Variants in FOXP2 observed in about 807,000 individuals in gnomAD.
FOXP2 encodes forkhead box protein P2.
FOXP2 carries 12 observed loss-of-function variants against 115.8 expected under a neutral mutation model. The observed-to-expected ratio is 0.10, with a 90% CI of 0.07 to 0.17. The LOEUF (loss-of-function observed/expected upper bound fraction) is 0.17. Among genes scored for constraint, FOXP2 ranks in the 10% least tolerant of loss-of-function variants. The pLI is 1.00. For missense variants in FOXP2, 629 were observed against 843.5 expected (o/e 0.75, Z 3.15); for synonymous variants, 328 against 297.7 (o/e 1.10, Z -1.05).
In FOXP2 at chr7:114,658,161, C is replaced by T. The variant is rs1038320114; in HGVS notation, c.1362C>T (p.Val454=). 2.5e-6 allele frequency: 4 copies of T among 1,613,922 alleles called. No individual in the cohort carries two copies. The highest frequency in any genetic ancestry group is 3.4e-6 in the Non-Finnish European group (4 of 1,179,910). Residue 454 remains valine (V), a synonymous_variant, in exon 11 of 17, where the codon GTC becomes GTT. Coordinates refer to ENST00000350908, the MANE Select transcript of FOXP2 (RefSeq NM_014491.4). ...PQTPTTPTAP[V]TPITQGPSVI... ...CCCCTACCACACCAACGGCCCCAGT[C>T]ACCCCGATTACCCAGGGACCCTCAG...
chr7:114,653,012 A>G (rs962202244), intron 9 of FOXP2, among the ~76,000 whole-genome samples: 2 of 152,160 alleles, frequency 1.3e-5, no homozygotes, highest in Non-Finnish European at 1.5e-5. Flanking sequence ...TTTCTCTAAC[A>G]TTTCATCTTA....
chr7:114,160,044 G>A (rs956940745), upstream of FOXP2, among the ~76,000 whole-genome samples: 1 of 152,146 alleles, frequency 6.6e-6, no homozygotes, highest in South Asian at 2.1e-4. Context: ...TCCTGGTACG[G>A]GGCAGGACTT....
chr7:114,505,661 TG>T (rs550991558), intron 2 of FOXP2, among the ~76,000 whole-genome samples: 1 of 151,334 alleles, frequency 6.6e-6, no homozygotes, highest in Non-Finnish European at 1.5e-5. Flanking sequence ...CAACTTCTTT[TG>T]GGGGGGTCTT....
chr7:114,273,592 A>G (rs570012394), intron 1 of FOXP2, among the ~76,000 whole-genome samples: 7 of 152,038 alleles, frequency 4.6e-5, no homozygotes, highest in Admixed American at 3.3e-4. Flanking sequence ...TTTCTTGCCA[A>G]TTTATCAATT....
chr7:114,633,795 G>A (rs1288319699), intron 6 of FOXP2, among the ~76,000 whole-genome samples: 1 of 152,142 alleles, frequency 6.6e-6, no homozygotes, highest in Non-Finnish European at 1.5e-5. Context: ...AGAAATATTT[G>A]TTGTACAGTG....
intron 1 of FOXP2, among the ~76,000 whole-genome samples, chr7:114,126,332 ATG>A (rs1364317061): frequency 2.0e-5 from 3 of 152,048 alleles, no homozygotes; most frequent in African/African-American, 7.2e-5. Context: ...ATGCATATGT[ATG>A]TGTCAGTATG....
upstream of FOXP2, among the ~76,000 whole-genome samples, chr7:114,413,945 G>C (rs1346589483): frequency 6.6e-6 from 1 of 152,106 alleles, no homozygotes. Flanking sequence ...ATGGTGTTCA[G>C]CTGAGACCTG....
chr7:114,654,480 A>G (rs1424040260), intron 10 of FOXP2, among the ~76,000 whole-genome samples: 1 of 152,098 alleles, frequency 6.6e-6, no homozygotes, highest in African/African-American at 2.4e-5. Context: ...ATTTTGTCCT[A>G]TTTCTTTGGT....
rs191740112 is a variant in FOXP2 at position 114,457,593 on chromosome 7, A to G, written c.168+30914A>G. On this transcript the variant is annotated intron_variant, in intron 2 of 16. Transcript: ENST00000350908. ...GTTTTGTATAGCATTAGATCAAATTATCATATTAAAAATATATTCTCATGG... is the reference window on the plus strand; with the variant it reads ...GTTTTGTATAGCATTAGATCAAATTGTCATATTAAAAATATATTCTCATGG... Among the ~76,000 whole-genome samples the G allele has an allele frequency of 8.9e-4, 136 of 152,302 alleles. 1 individual carries two copies. Among genetic ancestry groups the G allele is most frequent in the African/African-American group, 3.1e-3 (127 of 41,570 alleles).
chr7:114,303,129 C>T (rs1421331009), intron 2 of FOXP2, among the ~76,000 whole-genome samples: 1 of 152,122 alleles, frequency 6.6e-6, no homozygotes, highest in Non-Finnish European at 1.5e-5. Flanking sequence ...ATTTGTTACA[C>T]AGCAATAGGT....
At chr7:114,398,192 T>G (rs1013518888) in intron 2 of FOXP2, among the ~76,000 whole-genome samples, 2 of 152,102 alleles carry the variant, frequency 1.3e-5, no homozygotes, top group Non-Finnish European at 2.9e-5. Context: ...ATATTTGCAG[T>G]AAAAAATTAC....
chr7:114,310,510 C>CTT (rs529016127), intron 2 of FOXP2, among the ~76,000 whole-genome samples: 28 of 143,830 alleles, frequency 1.9e-4, no homozygotes, highest in African/African-American at 4.9e-4. Flanking sequence ...GATTAGCTGT[C>CTT]TTTTTTTTTT....
chr7:114,636,894 C>A (rs921264978), intron 6 of FOXP2, among the ~76,000 whole-genome samples: 2 of 152,066 alleles, frequency 1.3e-5, no homozygotes, highest in African/African-American at 4.8e-5. Context: ...TATTATTAGG[C>A]CAAGTACAGT....
At chr7:114,120,401 T>C (rs145349752) in intron 1 of FOXP2, among the ~76,000 whole-genome samples, 3 of 152,236 alleles carry the variant, frequency 2.0e-5, no homozygotes, top group African/African-American at 7.2e-5. Flanking sequence ...TTAAGGATAG[T>C]AGTAAACTTT....
chr7:114,226,114 C>T (rs570867227), intron 1 of FOXP2, among the ~76,000 whole-genome samples: 2 of 152,294 alleles, frequency 1.3e-5, no homozygotes, highest in East Asian at 3.9e-4. Flanking sequence ...GGTTAAAAAG[C>T]TCAACTCATA....
chr7:114,685,397 A>G (rs1808308049), intron 16 of FOXP2, among the ~76,000 whole-genome samples: 2 of 152,182 alleles, frequency 1.3e-5, no homozygotes, highest in South Asian at 4.1e-4. Flanking sequence ...ACTTAAAACT[A>G]TGATAGTTTT....
chr7:114,580,998 G>A (rs1408399203), intron 3 of FOXP2, among the ~76,000 whole-genome samples: 1 of 151,344 alleles, frequency 6.6e-6, no homozygotes, highest in Non-Finnish European at 1.5e-5. Context: ...AGCCAGCAAA[G>A]AATGTGAATC....
chr7:114,086,695 G>T (rs192067872), upstream of FOXP2: 675 of 254,034 alleles, frequency 2.7e-3, 6 homozygotes, highest in African/African-American at 0.015. Flanking sequence ...GCCGAGCTGC[G>T]ACTTTACTCT....
intron 2 of FOXP2, among the ~76,000 whole-genome samples, chr7:114,438,323 T>C (rs1794443385): frequency 6.6e-6 from 1 of 152,140 alleles, no homozygotes; most frequent in South Asian, 2.1e-4. Flanking sequence ...AATTCTTCTG[T>C]TCTGCAGGTC....
Sources: allele counts gnomAD v4.1 joint callset (sites outside exome capture counted in the v4.1 genomes callset), GRCh38; gene constraint gnomAD v4.1.1; transcripts MANE v1.5; gene names NCBI Gene and HGNC (gene_info 2026-07-23, HGNC 2026-07-21).